NLGN1: variants seen among roughly 807,000 people sequenced by gnomAD.
NLGN1 encodes the protein neuroligin-1.
Under a neutral mutation model 65.5 loss-of-function variants are expected in NLGN1, and 12 were observed. That is an observed-to-expected ratio of 0.18 (90% CI 0.12 to 0.30). NLGN1 has a LOEUF of 0.30. NLGN1 is among the 10% of genes least tolerant of loss of function. NLGN1 has a pLI of 1.00. For missense variants in NLGN1, 750 were observed against 1,007.1 expected (o/e 0.74, Z 3.46); for synonymous variants, 350 against 359.5 (o/e 0.97, Z 0.30).
intron 4 of NLGN1, among the ~76,000 whole-genome samples, chr3:173,937,325 C>T (rs1490219405): frequency 1.3e-5 from 2 of 151,936 alleles, no homozygotes; most frequent in Non-Finnish European, 2.9e-5. Flanking sequence ...ATAATTCACC[C>T]ATCAATGAGA....
chr3:174,186,732 T>C (rs925427405), intron 4 of NLGN1, among the ~76,000 whole-genome samples: 1 of 152,074 alleles, frequency 6.6e-6, no homozygotes, highest in African/African-American at 2.4e-5. Flanking sequence ...ATTATACTTG[T>C]CATTCTAAAG....
At chr3:174,119,067 A>T (rs900806457) in intron 4 of NLGN1, among the ~76,000 whole-genome samples, 17 of 152,186 alleles carry the variant, frequency 1.1e-4, no homozygotes, top group African/African-American at 4.1e-4. Context: ...TAGAACATGT[A>T]TGGTTAAATT....
intron 3 of NLGN1, among the ~76,000 whole-genome samples, chr3:173,716,373 T>A (rs985934651): frequency 6.6e-6 from 1 of 152,178 alleles, no homozygotes; most frequent in Non-Finnish European, 1.5e-5. Context: ...CACCTATACA[T>A]TGTGTTAGAA....
At chr3:173,935,142 A>G (rs1466213004) in intron 4 of NLGN1, among the ~76,000 whole-genome samples, 1 of 151,920 alleles carries the variant, frequency 6.6e-6, no homozygotes, top group African/African-American at 2.4e-5. Flanking sequence ...CTTCCTTATT[A>G]TTCCCACTGC....
chr3:174,173,521 A>G (rs1284377186), intron 4 of NLGN1, among the ~76,000 whole-genome samples: 1 of 151,958 alleles, frequency 6.6e-6, no homozygotes, highest in Admixed American at 6.6e-5. Context: ...GGATTTTTTT[A>G]TTATGAAGGG....
intron 4 of NLGN1, among the ~76,000 whole-genome samples, chr3:173,820,009 A>G (rs1051523721): frequency 8.5e-5 from 13 of 152,064 alleles, no homozygotes; most frequent in Non-Finnish European, 1.3e-4. Context: ...TAACACGGTG[A>G]AACCCCGTCT....
chr3:173,840,741 A>G (rs1724611759), intron 4 of NLGN1, among the ~76,000 whole-genome samples: 1 of 152,158 alleles, frequency 6.6e-6, no homozygotes, highest in Non-Finnish European at 1.5e-5. Context: ...GCAGTCACAG[A>G]TGCTGTGTAT....
intron 4 of NLGN1, among the ~76,000 whole-genome samples, chr3:173,837,832 A>G (rs550702489): frequency 6.6e-6 from 1 of 152,198 alleles, no homozygotes; most frequent in Non-Finnish European, 1.5e-5. Context: ...ATGTCAGTGC[A>G]GTTGGAGGGA....
chr3:173,942,541 G>A (rs1219212364), intron 4 of NLGN1, among the ~76,000 whole-genome samples: 1 of 152,054 alleles, frequency 6.6e-6, no homozygotes, highest in Non-Finnish European at 1.5e-5. Context: ...TTGAAAATGT[G>A]GCATCAACTT....
At chr3:174,039,731 G>A (rs1460120427) in intron 4 of NLGN1, among the ~76,000 whole-genome samples, 1 of 152,062 alleles carries the variant, frequency 6.6e-6, no homozygotes, top group Non-Finnish European at 1.5e-5. Flanking sequence ...AAGAAGTCAG[G>A]GCTTCTGGCA....
intron 4 of NLGN1, among the ~76,000 whole-genome samples, chr3:174,143,631 G>T (rs927489466): frequency 1.3e-5 from 2 of 152,026 alleles, no homozygotes; most frequent in Non-Finnish European, 2.9e-5. Flanking sequence ...TGGAGATTTG[G>T]TGGGGGGGTA....
At chr3:174,072,980 C>G (rs1740209883) in intron 4 of NLGN1, among the ~76,000 whole-genome samples, 1 of 152,066 alleles carries the variant, frequency 6.6e-6, no homozygotes, top group Admixed American at 6.6e-5. Context: ...AATTAAATGA[C>G]TGAGTAAAAC....
chr3:173,754,734 C>G (rs1776837730), intron 3 of NLGN1, among the ~76,000 whole-genome samples: 1 of 152,056 alleles, frequency 6.6e-6, no homozygotes, highest in South Asian at 2.1e-4. Context: ...AAGTTTTAAC[C>G]TAAGATAGTA....
At chr3:173,691,201 G>A (rs1325898160) in intron 3 of NLGN1, among the ~76,000 whole-genome samples, 1 of 151,946 alleles carries the variant, frequency 6.6e-6, no homozygotes, top group Non-Finnish European at 1.5e-5. Flanking sequence ...TTCCCATCTG[G>A]AAGATTTCCT....
chr3:173,401,850 C>T (rs752586169), intron 1 of NLGN1, among the ~76,000 whole-genome samples: 1 of 152,166 alleles, frequency 6.6e-6, no homozygotes, highest in Non-Finnish European at 1.5e-5. Context: ...AATTTTTCCA[C>T]ATGCTAAATG....
chr3:173,497,750 GA>G (rs138700456), intron 2 of NLGN1, among the ~76,000 whole-genome samples: 1 of 151,160 alleles, frequency 6.6e-6, no homozygotes, highest in African/African-American at 2.4e-5. Context: ...ATTTGCATTA[GA>G]AAAAAAATCA....
At chr3:174,189,444 G>C (rs1314716143) in intron 4 of NLGN1, among the ~76,000 whole-genome samples, 2 of 151,902 alleles carry the variant, frequency 1.3e-5, no homozygotes, top group Non-Finnish European at 2.9e-5. Context: ...TCAGTAATCA[G>C]AGAATGTTTC....
At chr3:174,270,506 A>G (rs1001112639) in intron 4 of NLGN1, among the ~76,000 whole-genome samples, 5 of 152,016 alleles carry the variant, frequency 3.3e-5, no homozygotes, top group African/African-American at 9.6e-5. Flanking sequence ...ATTTTGAATC[A>G]AACAGAAATA....
chr3:174,197,473 CTTTATAAAAGGAGAATGGCTT>C (rs1733637338), intron 4 of NLGN1, among the ~76,000 whole-genome samples: 2 of 133,574 alleles, frequency 1.5e-5, no homozygotes, highest in African/African-American at 5.8e-5. Flanking sequence ...CTACTCAAGA[CTTTATAAAAGGAGAATGGCTT>C]TCTTGAGCTA....
Sources: allele counts gnomAD v4.1 joint callset (sites outside exome capture counted in the v4.1 genomes callset), GRCh38; gene constraint gnomAD v4.1.1; transcripts MANE v1.5; gene names NCBI Gene and HGNC (gene_info 2026-07-23, HGNC 2026-07-21).